CDH15: variants seen among roughly 807,000 people sequenced by gnomAD.
The protein encoded by CDH15 is cadherin 15, also known as cadherin-15.
A neutral mutation model predicts 69.4 loss-of-function variants in CDH15; 73 were observed. The ratio of observed to expected loss-of-function variants is 1.05; its 90% CI spans 0.87 to 1.28. CDH15 has a LOEUF of 1.28. Among genes scored for constraint, CDH15 ranks in the 50% most tolerant of loss-of-function variants. The pLI is 0.00. For missense variants in CDH15, 1,343 were observed against 1,133.6 expected (o/e 1.18, Z -2.65); for synonymous variants, 624 against 507.7 (o/e 1.23, Z -3.08).
At chr16:89,192,476 T>C in intron 11 of CDH15, 32 bp downstream of exon 11, 1 of 1,555,868 alleles carries the variant, frequency 6.4e-7, no homozygotes, top group Non-Finnish European at 8.6e-7. Flanking sequence ...ACCTGGACCC[T>C]CGGACCCTCG....
At position 89,192,415 on chromosome 16, in the gene CDH15, T is replaced by C; in HGVS notation, c.1826T>C (p.Ile609Thr). 1 of 1,547,634 alleles carries C rather than the reference T, an allele frequency of 6.5e-7. No homozygotes were observed. The highest frequency in any genetic ancestry group is 1.2e-5 in the South Asian group (1 of 85,140). The change falls in exon 11 of 14, where the codon ATC (isoleucine) becomes ACC (threonine). Residue 609 changes from isoleucine (I) to threonine (T), a missense_variant. Ile to Thr is a moderately conservative substitution (Grantham distance 89). Transcript: ENST00000289746. ...GTGLSLGALVIVLASALLLLV... is the reference protein window; with the variant it reads ...GTGLSLGALVTVLASALLLLV... Reference sequence around the variant, plus strand: ...GGCCTCAGCCTGGGCGCACTGGTCATCGTGCTGGCCAGCGCCCTCCTGCTG... The same window carrying C: ...GGCCTCAGCCTGGGCGCACTGGTCACCGTGCTGGCCAGCGCCCTCCTGCTG...
At chr16:89,182,406 C>G (rs139004015) in intron 3 of CDH15, among the ~76,000 whole-genome samples, 1 of 150,742 alleles carries the variant, frequency 6.6e-6, no homozygotes, top group Non-Finnish European at 1.5e-5. Context: ...TTTGGGAGGC[C>G]GAGGCGAGTG....
Position 89,192,272 on chromosome 16 carries a change from C to G in CDH15, c.1683C>G (p.Leu561=). The G allele has an allele frequency of 6.5e-7, 1 of 1,531,120 alleles. No homozygotes were observed. 94.8% of individuals were successfully genotyped at this position (1,531,120 alleles called of 1,614,324 possible). ...PEGLHRLSLL[L]RDSGQPPQQR... is the part of the protein sequence containing the mutation. ...GCCTGCACCGCCTCAGCCTGCTGCT[C>G]CGGGACTCGGGGCAGCCGCCCCAGC... Residue 561 remains leucine, a synonymous_variant, in exon 11 of 14, where the codon CTC becomes CTG. Transcript: ENST00000289746.
intron 7 of CDH15, among the ~76,000 whole-genome samples, chr16:89,188,832 ACAGGTGCCCACACACAGATGCCCACG>A (rs1567775024): frequency 5.5e-5 from 5 of 91,590 alleles, no homozygotes; most frequent in Admixed American, 2.2e-4. Context: ...ATGCCCACGC[ACAGGTGCCCACACACAGATGCCCACG>A]CACAGGTGCC....
At position 89,192,428 on chromosome 16, in the gene CDH15, C is replaced by A; in HGVS notation, c.1839C>A (p.Ser613Arg). The A allele has an allele frequency of 6.4e-7, 1 of 1,553,788 alleles. No homozygotes were observed. Among genetic ancestry groups the A allele is most frequent in the Non-Finnish European group, 8.6e-7 (1 of 1,157,088 alleles). The part of the protein sequence containing the change: ...SLGALVIVLA[S>R]ALLLLVLVLL... ...GCGCACTGGTCATCGTGCTGGCCAG[C>A]GCCCTCCTGCTGCTGGGTGAGTGAG... Residue 613 changes from serine to arginine, a missense_variant, in exon 11 of 14, where the codon AGC becomes AGA. Coordinates refer to ENST00000289746, the MANE Select transcript of CDH15 (RefSeq NM_004933.3).
At chr16:89,176,481 G>A (rs539038299) in intron 1 of CDH15, among the ~76,000 whole-genome samples, 6 of 152,324 alleles carry the variant, frequency 3.9e-5, no homozygotes, top group East Asian at 1.9e-4. Context: ...CCCTTCCAGC[G>A]GGGAGCTGGG....
In CDH15 at chr16:89,191,753, T is replaced by G; in HGVS notation, c.1474T>G (p.Cys492Gly). 6.2e-7 allele frequency: 1 copy of G among 1,604,788 alleles called. No individual in the cohort carries two copies. Among genetic ancestry groups the G allele is most frequent in the Non-Finnish European group, 8.5e-7 (1 of 1,179,316 alleles). ...VLAPPPPGSL[C>G]SEPHQGPGLL... ...GGCCCCGCCGCCGCCGGGCAGCCTG[T>G]GCAGCGAGCCACACCAAGGCCCAGG... Residue 492 changes from cysteine (C) to glycine (G), a missense_variant, in exon 10 of 14, where the codon TGC becomes GGC. Coordinates refer to ENST00000289746, the MANE Select transcript of CDH15 (RefSeq NM_004933.3).
chr16:89,187,186 C>T lies in CDH15; in HGVS notation c.664-243C>T, dbSNP rs576531872. Among the ~76,000 whole-genome samples the T allele has an allele frequency of 1.4e-4, 21 of 152,336 alleles. No homozygotes were observed. The East Asian group carries it at 3.1e-3, about 22-fold the overall frequency. On this transcript the variant is annotated intron_variant, in intron 5 of 13. Transcript: ENST00000289746. ...CAGCGCACAGTAGGTGCTCTGTAAA[C>T]GCTTACCCAGTGCACAGTAGGTGTT...
In CDH15 at chr16:89,195,158, C is replaced by A. The variant is rs781182063; in HGVS notation, c.*3C>A. On this transcript the variant is annotated 3_prime_UTR_variant, in exon 14 of 14. Coordinates refer to ENST00000289746, the MANE Select transcript of CDH15 (RefSeq NM_004933.3). ...GACACAGAGGCCGGACAGCCTGACC[C>A]TGGGGCGCAACTGGACATGCCACTC... 1 of 1,579,192 alleles carries A rather than the reference C, an allele frequency of 6.3e-7. No homozygotes were observed. The highest frequency in any genetic ancestry group is 1.3e-5 in the African/African-American group (1 of 74,602).
intron 5 of CDH15, 81 bp downstream of exon 5, chr16:89,185,414 C>G (rs1425759569): frequency 6.2e-6 from 9 of 1,440,938 alleles, no homozygotes; most frequent in Non-Finnish European, 1.9e-6. Flanking sequence ...CCCAGCCTGC[C>G]CACCCCAGAC....
intron 1 of CDH15, among the ~76,000 whole-genome samples, chr16:89,179,144 G>A (rs536141453): frequency 2.6e-5 from 4 of 152,348 alleles, no homozygotes; most frequent in African/African-American, 9.6e-5. Flanking sequence ...TAGGAGACTC[G>A]GGGGCAGCTG....
rs1915778513 is a variant in CDH15 at position 89,195,251 on chromosome 16, C to A, written c.*96C>A. ...GGTCACCGGGCCCGACCCCCCTGGGCCTGGGGCAGCCTCCTTCCTGTAGGC... is the reference window on the plus strand; with the variant it reads ...GGTCACCGGGCCCGACCCCCCTGGGACTGGGGCAGCCTCCTTCCTGTAGGC... On this transcript the variant is annotated 3_prime_UTR_variant, in exon 14 of 14. Coordinates refer to ENST00000289746, the MANE Select transcript of CDH15 (RefSeq NM_004933.3). 2 of 1,283,358 alleles carry A rather than the reference C, an allele frequency of 1.6e-6. No individual in the cohort carries two copies. The highest frequency in any genetic ancestry group is 2.1e-6 in the Non-Finnish European group (2 of 959,522). The allele number at this position is 1,283,358 out of a possible 1,614,324, so 79.5% of individuals were successfully genotyped here.
At chr16:89,187,588 C>A (rs1275612239) in intron 6 of CDH15, 31 bp downstream of exon 6, 2 of 1,612,554 alleles carry the variant, frequency 1.2e-6, no homozygotes, top group East Asian at 4.5e-5. Flanking sequence ...TCGAAAGTAG[C>A]CCCTGCTTAG....
chr16:89,176,700 C>T (rs917243445), intron 1 of CDH15, among the ~76,000 whole-genome samples: 3 of 149,928 alleles, frequency 2.0e-5, no homozygotes, highest in Non-Finnish European at 4.4e-5. Context: ...AGGAGCAGGC[C>T]GCGAAGACGG....
At chr16:89,189,531 A>G (rs1223122579) in intron 7 of CDH15, among the ~76,000 whole-genome samples, 1 of 152,218 alleles carries the variant, frequency 6.6e-6, no homozygotes, top group African/African-American at 2.4e-5. Flanking sequence ...CCCCAGCCTG[A>G]GGACTGGGTC....
At chr16:89,180,662 A>G (rs1205678279) in intron 3 of CDH15, among the ~76,000 whole-genome samples, 1 of 152,262 alleles carries the variant, frequency 6.6e-6, no homozygotes, top group Non-Finnish European at 1.5e-5. Flanking sequence ...GCTCAACCAC[A>G]GCCAGCAACC....
Position 89,183,619 on chromosome 16 carries a change from G to A in CDH15, c.429G>A (p.Val143=), listed in dbSNP as rs1915423021. The change falls in exon 4 of 14, where the codon GTG becomes GTA. Residue 143 remains valine, a synonymous_variant. Coordinates refer to ENST00000289746, the MANE Select transcript of CDH15 (RefSeq NM_004933.3). ...EDPTDLEIVV[V]DQNDNRPAFL... The stretch of plus-strand genomic sequence containing the variant: ...CCACGGACCTGGAGATTGTAGTTGT[G>A]GATCAGAATGACAACCGGCCAGCCT... 2 of 1,614,018 alleles carry A rather than the reference G, an allele frequency of 1.2e-6. No individual in the cohort carries two copies. Among genetic ancestry groups the A allele is most frequent in the African/African-American group, 2.7e-5 (2 of 74,944 alleles).
intron 1 of CDH15, 122 bp downstream of exon 1, chr16:89,171,995 G>A: frequency 3.9e-6 from 4 of 1,030,548 alleles, no homozygotes. Context: ...TTGGGGGCCT[G>A]TGAGCGGAGT....
chr16:89,183,420 T>TGAA, intron 3 of CDH15, 128 bp from the exon 4 acceptor site: 1 of 1,068,476 alleles, frequency 9.4e-7, no homozygotes, highest in Non-Finnish European at 1.4e-6. Flanking sequence ...GTGCTGTTTC[T>TGAA]CGCCTGTTTA....
Sources: allele counts gnomAD v4.1 joint callset (sites outside exome capture counted in the v4.1 genomes callset), GRCh38; gene constraint gnomAD v4.1.1; transcripts MANE v1.5; gene names NCBI Gene and HGNC (gene_info 2026-07-23, HGNC 2026-07-21).